The following CAMKMT variants were observed in gnomAD, a reference collection of about 807,000 sequenced individuals.
The protein encoded by CAMKMT is CaM KMT.
Under a neutral mutation model 48.0 loss-of-function variants are expected in CAMKMT, and 53 were observed. That is an observed-to-expected ratio of 1.10 (90% confidence interval 0.89 to 1.39). The LOEUF is 1.39. Ranked by LOEUF, CAMKMT falls within the 40% of genes most tolerant of loss-of-function variation. The pLI, the probability that CAMKMT is intolerant of heterozygous loss-of-function variation, is 0.00. For missense variants in CAMKMT, 428 were observed against 402.7 expected (o/e 1.06, Z -0.54); for synonymous variants, 165 against 152.3 (o/e 1.08, Z -0.61).
At chr2:44,642,395 G>A (rs1673495930) in intron 3 of CAMKMT, among the ~76,000 whole-genome samples, 1 of 152,248 alleles carries the variant, frequency 6.6e-6, no homozygotes, top group East Asian at 1.9e-4. Flanking sequence ...TGGCACTGGT[G>A]CCATAAGGCA....
chr2:44,569,928 A>G (rs1668819532), intron 3 of CAMKMT, among the ~76,000 whole-genome samples: 1 of 152,182 alleles, frequency 6.6e-6, no homozygotes, highest in Non-Finnish European at 1.5e-5. Flanking sequence ...TTAAGTTGCC[A>G]TTTGGATCAA....
chr2:44,624,530 A>C (rs549411516), intron 3 of CAMKMT, among the ~76,000 whole-genome samples: 12 of 151,658 alleles, frequency 7.9e-5, no homozygotes, highest in African/African-American at 2.4e-4. Flanking sequence ...TCCTGTGTCC[A>C]TGTGTTCTCA....
chr2:44,729,988 G>T (rs1477154455), intron 7 of CAMKMT, among the ~76,000 whole-genome samples: 1 of 152,166 alleles, frequency 6.6e-6, no homozygotes, highest in African/African-American at 2.4e-5. Context: ...TAGGGAAGAG[G>T]AAGGGGTGGC....
intron 8 of CAMKMT, among the ~76,000 whole-genome samples, chr2:44,749,498 A>G (rs1464729066): frequency 6.6e-6 from 1 of 152,228 alleles, no homozygotes; most frequent in Non-Finnish European, 1.5e-5. Context: ...ATGAAGACAG[A>G]ATGGAAGCTC....
At chr2:44,659,180 C>T (rs2104074487) in intron 3 of CAMKMT, among the ~76,000 whole-genome samples, 1 of 144,430 alleles carries the variant, frequency 6.9e-6, no homozygotes, top group South Asian at 2.3e-4. Context: ...CCAACAGTTT[C>T]AAGGCCAAGG....
At chr2:44,546,184 C>CACACACACAG (rs888147262) in intron 3 of CAMKMT, among the ~76,000 whole-genome samples, 1 of 138,098 alleles carries the variant, frequency 7.2e-6, no homozygotes, top group African/African-American at 2.5e-5. Context: ...CACACACACA[C>CACACACACAG]ACACACACAC....
chr2:44,489,760 A>G (rs1337738461), intron 3 of CAMKMT, among the ~76,000 whole-genome samples: 1 of 152,190 alleles, frequency 6.6e-6, no homozygotes, highest in Non-Finnish European at 1.5e-5. Flanking sequence ...GATTATTGTA[A>G]AAAGAACAAG....
intron 3 of CAMKMT, among the ~76,000 whole-genome samples, chr2:44,506,306 C>T (rs531944476): frequency 1.3e-5 from 2 of 152,016 alleles, no homozygotes; most frequent in East Asian, 1.9e-4. Context: ...ACTTGTATAC[C>T]TCATCTCTTC....
At chr2:44,634,391 T>A (rs13014369) in intron 3 of CAMKMT, among the ~76,000 whole-genome samples, 1 of 151,638 alleles carries the variant, frequency 6.6e-6, no homozygotes, top group South Asian at 2.1e-4. Context: ...TGTTGTCCAA[T>A]AGCTGAAAAC....
At position 44,395,624 on chromosome 2, in the gene CAMKMT, T is replaced by C. The variant is rs149534286; in HGVS notation, c.376+5319T>C. On this transcript the variant is annotated intron_variant, in intron 3 of 10. Coordinates refer to ENST00000378494, the MANE Select transcript of CAMKMT (RefSeq NM_024766.5). ...CTGTGTAATTGTAGACGAGTCTTTG[T>C]ACAAGTCTTAACTCCTTATGTAAAA... Among the ~76,000 whole-genome samples the C allele has an allele frequency of 2.7e-3, 411 of 152,284 alleles. 1 individual carries two copies. Among genetic ancestry groups the C allele is most frequent in the African/African-American group, 9.4e-3 (391 of 41,570 alleles).
chr2:44,527,778 G>C, intron 3 of CAMKMT, among the ~76,000 whole-genome samples: 1 of 104,410 alleles, frequency 9.6e-6, no homozygotes, highest in Non-Finnish European at 2.0e-5. Context: ...CCTCCCACAT[G>C]TGTACAGCCC....
intron 3 of CAMKMT, among the ~76,000 whole-genome samples, chr2:44,498,217 A>G (rs1669849316): frequency 6.6e-6 from 1 of 152,284 alleles, no homozygotes; most frequent in Admixed American, 6.5e-5. Context: ...GATAGCTTTA[A>G]TACAGTGACA....
intron 3 of CAMKMT, among the ~76,000 whole-genome samples, chr2:44,640,993 G>A (rs1033296467): frequency 2.0e-5 from 3 of 152,188 alleles, no homozygotes; most frequent in African/African-American, 7.2e-5. Flanking sequence ...GCGTCATGAA[G>A]TGGTGCCTCC....
chr2:44,614,979 G>A (rs1030070222), intron 3 of CAMKMT, among the ~76,000 whole-genome samples: 1 of 83,816 alleles, frequency 1.2e-5, no homozygotes, highest in Admixed American at 1.8e-4. Context: ...GTCTTGCTCT[G>A]TTGCCCAGGC....
chr2:44,575,431 T>C (rs1027273549), intron 3 of CAMKMT, among the ~76,000 whole-genome samples: 2 of 152,210 alleles, frequency 1.3e-5, no homozygotes, highest in Non-Finnish European at 2.9e-5. Flanking sequence ...TTGCATATTT[T>C]TCTTCACATA....
At chr2:44,681,323 T>G (rs1027269483) in intron 3 of CAMKMT, among the ~76,000 whole-genome samples, 4 of 152,200 alleles carry the variant, frequency 2.6e-5, no homozygotes. Flanking sequence ...CTGAGTTGTA[T>G]GTGGGTTGTT....
intron 3 of CAMKMT, among the ~76,000 whole-genome samples, chr2:44,584,644 A>C (rs1669749017): frequency 6.6e-6 from 1 of 152,248 alleles, no homozygotes; most frequent in Admixed American, 6.5e-5. Context: ...AATGTCTGCT[A>C]TACATAAAGC....
chr2:44,688,756 G>A (rs1201392683), intron 3 of CAMKMT, among the ~76,000 whole-genome samples: 1 of 152,168 alleles, frequency 6.6e-6, no homozygotes, highest in Non-Finnish European at 1.5e-5. Flanking sequence ...AGACCTAAGA[G>A]AGGAAACTTG....
At chr2:44,510,873 C>A (rs750122362) in intron 3 of CAMKMT, among the ~76,000 whole-genome samples, 1 of 151,916 alleles carries the variant, frequency 6.6e-6, no homozygotes, top group Non-Finnish European at 1.5e-5. Context: ...TGGAGTCTTG[C>A]TGTGTTGCCC....
Sources: gnomAD v4.1 joint callset for allele counts (sites outside exome capture counted in the v4.1 genomes callset) on GRCh38, gnomAD v4.1.1 for gene constraint, MANE v1.5 for transcripts, NCBI Gene and HGNC (gene_info 2026-07-23, HGNC 2026-07-21) for gene names.